TOX2: variants seen among roughly 807,000 people sequenced by gnomAD.
The protein encoded by TOX2 is granulosa cell HMG box 1.
In TOX2, 15 loss-of-function variants were observed where a neutral mutation model predicts 47.4. The ratio of observed to expected loss-of-function variants is 0.32; its 90% confidence interval spans 0.21 to 0.49. The LOEUF is 0.49. Among genes scored for constraint, TOX2 ranks in the 20% least tolerant of loss-of-function variants. TOX2 has a pLI of 0.99. For synonymous variants in TOX2, 290 were observed against 296.6 expected (o/e 0.98, Z 0.23); for missense variants, 622 against 673.1 (o/e 0.92, Z 0.84).
At chr20:44,033,381 G>A (rs139443702) in intron 3 of TOX2, among the ~76,000 whole-genome samples, 21 of 152,232 alleles carry the variant, frequency 1.4e-4, no homozygotes, top group African/African-American at 5.1e-4. Context: ...TTGATTCTGG[G>A]CTGCAGTAAA....
At chr20:43,948,204 C>G (rs1351887142) in intron 1 of TOX2, among the ~76,000 whole-genome samples, 1 of 152,186 alleles carries the variant, frequency 6.6e-6, no homozygotes, top group Non-Finnish European at 1.5e-5. Flanking sequence ...GGGGCCCAAA[C>G]ACGGCAGGCA....
intron 3 of TOX2, among the ~76,000 whole-genome samples, chr20:44,042,892 A>ACCAATAATGCG (rs998734218): frequency 6.6e-6 from 1 of 152,194 alleles, no homozygotes; most frequent in African/African-American, 2.4e-5. Flanking sequence ...TGGAGGTGGA[A>ACCAATAATGCG]CCAATAATGG....
intron 1 of TOX2, among the ~76,000 whole-genome samples, chr20:43,964,677 T>G (rs1439792488): frequency 6.6e-6 from 1 of 152,192 alleles, no homozygotes; most frequent in Non-Finnish European, 1.5e-5. Flanking sequence ...TCAGACTTCC[T>G]GGGTGGCTTT....
intron 3 of TOX2, among the ~76,000 whole-genome samples, chr20:44,044,377 TAACA>T (rs1164952162): frequency 7.3e-5 from 11 of 151,218 alleles, no homozygotes; most frequent in African/African-American, 2.7e-4. Flanking sequence ...TATACATATG[TAACA>T]AACCTGCATG....
At chr20:44,008,541 C>T (rs116447368) in intron 3 of TOX2, among the ~76,000 whole-genome samples, 5,915 of 140,358 alleles carry the variant, frequency 0.042, 339 homozygotes, top group African/African-American at 0.13. Context: ...GCCTGGGCCA[C>T]GCAGCAAGAC....
At chr20:44,025,901 G>A (rs150636397) in intron 3 of TOX2, among the ~76,000 whole-genome samples, 3 of 151,986 alleles carry the variant, frequency 2.0e-5, no homozygotes, top group Non-Finnish European at 4.4e-5. Context: ...GGGATGTGAG[G>A]ATAAATGAGG....
intron 1 of TOX2, among the ~76,000 whole-genome samples, chr20:43,936,901 T>C (rs138497045): frequency 1.4e-3 from 212 of 152,148 alleles, no homozygotes; most frequent in African/African-American, 4.8e-3. Flanking sequence ...GTCATCTTTG[T>C]AATCTACACA....
chr20:44,006,649 G>A lies in TOX2; in HGVS notation c.268G>A (p.Ala90Thr). ...CCTCCTGCACCTGGGGGACCACGAA[G>A]CCAGCTACCACTCGCTGTGCCACGG... ...PSLLHLGDHE[A>T]SYHSLCHGLT... Residue 90 changes from alanine to threonine, a missense_variant, in exon 3 of 9, where the codon GCC (alanine) becomes ACC (threonine). Transcript: ENST00000341197. 9 of 1,614,036 alleles carry A rather than the reference G, an allele frequency of 5.6e-6. No homozygotes were observed. Among genetic ancestry groups the A allele is most frequent in the Non-Finnish European group, 7.6e-6 (9 of 1,180,006 alleles).
rs990676027 is a variant in TOX2 at position 43,955,995 on chromosome 20, T to C, written c.100-17372T>C. On this transcript the variant is annotated intron_variant, in intron 1 of 8. Transcript: ENST00000341197. The stretch of plus-strand genomic sequence containing the variant: ...TAAGGCCCTGCTTGCCTTTCTGTCT[T>C]ATCTTGCACCGCCTTACTATTCCAT... 2.0e-5 allele frequency among the ~76,000 whole-genome samples: 3 copies of C among 151,476 alleles called. No homozygotes were observed. The Admixed American group carries it at 2.0e-4, about 10-fold the overall frequency.
At chr20:43,995,973 A>G (rs2070470357) in intron 2 of TOX2, among the ~76,000 whole-genome samples, 1 of 152,210 alleles carries the variant, frequency 6.6e-6, no homozygotes, top group Admixed American at 6.5e-5. Flanking sequence ...TGCAATGAAC[A>G]TTTGTGTACA....
intron 2 of TOX2, among the ~76,000 whole-genome samples, chr20:43,978,175 T>C (rs371332614): frequency 6.6e-6 from 1 of 152,188 alleles, no homozygotes; most frequent in Non-Finnish European, 1.5e-5. Flanking sequence ...AGCTACTCTT[T>C]CTTTGGAAAA....
rs199741017 is a variant in TOX2, at chr20:43,984,608, G to GT, written c.165+11176_165+11177insT. Among the ~76,000 whole-genome samples, 188 of 152,302 alleles carry GT rather than the reference G, an allele frequency of 1.2e-3. 7 individuals are homozygous for GT. In the East Asian group the frequency reaches 0.025, roughly 20 times the overall value. ...CTGCCTATGAGACGTTTAAATATTT[G>GT]AGGGCGCAGGCATGGAGACATTGGG... On this transcript the variant is annotated intron_variant, in intron 2 of 8. Coordinates refer to ENST00000341197, the MANE Select transcript of TOX2 (RefSeq NM_001098797.2).
At position 44,054,343 on chromosome 20, in the gene TOX2, C is replaced by A. The variant is rs765545392; in HGVS notation, c.696C>A (p.Ala232=). The stretch of plus-strand genomic sequence containing the variant: ...CTTCAGCCGACCCAGGAAAAAAGGC[C>A]AAGAACCCGAAGAAGAAGAAAAAGA... ...KRPSADPGKK[A]KNPKKKKKKD... is the part of the protein sequence containing the mutation. Residue 232 remains alanine (A), a synonymous_variant, in exon 5 of 9, where the codon GCC becomes GCA. Transcript: ENST00000341197. 1.2e-6 allele frequency: 2 copies of A among 1,612,662 alleles called. No individual in the cohort carries two copies. The highest frequency in any genetic ancestry group is 1.7e-6 in the Non-Finnish European group (2 of 1,179,552).
At chr20:44,057,541 G>T (rs2071642569) in intron 5 of TOX2, among the ~76,000 whole-genome samples, 1 of 152,128 alleles carries the variant, frequency 6.6e-6, no homozygotes, top group South Asian at 2.1e-4. Context: ...CCTAGGTGAT[G>T]GATAGGAAAG....
At chr20:43,950,922 G>A (rs534799697) in intron 1 of TOX2, among the ~76,000 whole-genome samples, 101 of 152,082 alleles carry the variant, frequency 6.6e-4, no homozygotes, top group Non-Finnish European at 1.1e-3. Flanking sequence ...GTGCACGGAC[G>A]CATGAGTACA....
In TOX2 at chr20:44,066,038, C is replaced by A. The variant is rs771498906; in HGVS notation, c.1287C>A (p.Pro429=). ...PPVSMSPAPQ[P]PVLPTPMALQ... ...TTAGCATGTCCCCAGCCCCCCAGCC[C>A]CCTGTCCTGCCCACCCCCATGGCAC... The change falls in exon 7 of 9, where the codon CCC becomes CCA. Residue 429 remains proline (P), a synonymous_variant. Coordinates refer to ENST00000341197, the MANE Select transcript of TOX2 (RefSeq NM_001098797.2). The A allele has an allele frequency of 4.4e-6, 7 of 1,595,902 alleles. No individual in the cohort carries two copies. In the African/African-American group the frequency reaches 9.4e-5, roughly 21 times the overall value.
intron 1 of TOX2, among the ~76,000 whole-genome samples, chr20:43,924,296 G>A (rs938167138): frequency 2.4e-4 from 36 of 152,316 alleles, no homozygotes; most frequent in Non-Finnish European, 2.6e-4. Context: ...TCTGCTCTGC[G>A]TAGGAAAGGC....
intron 2 of TOX2, among the ~76,000 whole-genome samples, chr20:44,005,123 T>C (rs2070656125): frequency 6.6e-6 from 1 of 152,128 alleles, no homozygotes; most frequent in South Asian, 2.1e-4. Flanking sequence ...GTAGAAAACA[T>C]TTACCTTTAT....
rs11472862 is a variant in TOX2, at chr20:44,048,388, T to TTATATATATATATATATATATATATATA, written c.412-2893_412-2892insATATATATATATATATATATATATATAT. Among the ~76,000 whole-genome samples the TTATATATATATATATATATATATATATA allele has an allele frequency of 4.7e-3, 406 of 86,564 alleles. 37 individuals are homozygous for TTATATATATATATATATATATATATATA. Among genetic ancestry groups the TTATATATATATATATATATATATATATA allele is most frequent in the Non-Finnish European group, 5.9e-3 (254 of 42,720 alleles). 56.8% of individuals were successfully genotyped at this position (86,564 alleles called of 152,430 possible). On this transcript the variant is annotated intron_variant, in intron 3 of 8. Coordinates refer to ENST00000341197, the MANE Select transcript of TOX2 (RefSeq NM_001098797.2). Reference sequence around the variant, plus strand: ...ATGTTAGTATCTGGATAAAATGAATTTATATATATATATATATATATATAT... The same window carrying TTATATATATATATATATATATATATATA: ...ATGTTAGTATCTGGATAAAATGAATTTATATATATATATATATATATATATATATATATATATATATATATATATATAT...
Sources: allele counts gnomAD v4.1 joint callset (sites outside exome capture counted in the v4.1 genomes callset), GRCh38; gene constraint gnomAD v4.1.1; transcripts MANE v1.5; gene names NCBI Gene and HGNC (gene_info 2026-07-23, HGNC 2026-07-21).